MDFIC2: variants seen among roughly 807,000 people sequenced by gnomAD.
The protein encoded by MDFIC2 is myoD family inhibitor domain-containing protein 2.
At chr3:70,306,087 C>T (rs897336453) in intron 2 of MDFIC2, among the ~76,000 whole-genome samples, 2 of 151,990 alleles carry the variant, frequency 1.3e-5, no homozygotes, top group African/African-American at 4.8e-5. Context: ...CAAAATTCAC[C>T]TAAATAATGG....
intron 2 of MDFIC2, among the ~76,000 whole-genome samples, chr3:70,279,431 C>G (rs1702059350): frequency 6.6e-6 from 1 of 152,088 alleles, no homozygotes; most frequent in East Asian, 1.9e-4. Context: ...GACTTTATCT[C>G]CTTCACATCT....
Position 70,197,163 on chromosome 3 carries a change from G to A in MDFIC2, c.333C>T (p.Leu111=), listed in dbSNP as rs1381437262. 8 of 398,330 alleles carry A rather than the reference G, an allele frequency of 2.0e-5. No homozygotes were observed. Among genetic ancestry groups the A allele is most frequent in the East Asian group, 3.6e-5 (1 of 28,040 alleles). The allele number at this position is 398,330 out of a possible 1,614,324, so 24.7% of individuals were successfully genotyped here. A position where few individuals can be genotyped will look rare whatever the true frequency, so the allele number is the denominator to read the frequency against. The change falls in exon 4 of 4, where the codon CTC becomes CTT. Residue 111 remains leucine, a synonymous_variant. Coordinates refer to ENST00000567252, the MANE Select transcript of MDFIC2 (RefSeq NM_001364677.1). ...CCCAAAACTGGCAAAACAGACAGGCGAGGATAAGGGAGGCACACTCCTCTG... is the reference window on the plus strand; with the variant it reads ...CCCAAAACTGGCAAAACAGACAGGCAAGGATAAGGGAGGCACACTCCTCTG... ...DTDEECASLI[L]ACLFCQFWDC...
chr3:70,308,150 C>G (rs1376118836), intron 2 of MDFIC2, among the ~76,000 whole-genome samples: 1 of 152,178 alleles, frequency 6.6e-6, no homozygotes, highest in East Asian at 1.9e-4. Flanking sequence ...CTCCCAGGCT[C>G]AAGCAATCTC....
chr3:70,238,826 C>G (rs1461575283), intron 2 of MDFIC2, among the ~76,000 whole-genome samples: 1 of 151,788 alleles, frequency 6.6e-6, no homozygotes, highest in Non-Finnish European at 1.5e-5. Context: ...TTTCTATGAC[C>G]TGTAATGGAA....
intron 2 of MDFIC2, among the ~76,000 whole-genome samples, chr3:70,234,662 G>A (rs905255734): frequency 2.0e-5 from 3 of 151,572 alleles, no homozygotes; most frequent in African/African-American, 4.8e-5. Context: ...AAAAGTTTCT[G>A]GTGCTTAATA....
chr3:70,298,354 C>T (rs201700243), intron 2 of MDFIC2, among the ~76,000 whole-genome samples: 1 of 152,074 alleles, frequency 6.6e-6, no homozygotes, highest in Non-Finnish European at 1.5e-5. Context: ...CTTCTCTCCT[C>T]CACCAGCCAT....
chr3:70,261,069 C>A (rs1251907070), intron 2 of MDFIC2, among the ~76,000 whole-genome samples: 1 of 152,128 alleles, frequency 6.6e-6, no homozygotes, highest in Non-Finnish European at 1.5e-5. Flanking sequence ...ATAAGCACTT[C>A]AACGTTTATT....
At chr3:70,303,752 G>A (rs1174040795) in intron 2 of MDFIC2, among the ~76,000 whole-genome samples, 1 of 152,080 alleles carries the variant, frequency 6.6e-6, no homozygotes, top group East Asian at 1.9e-4. Flanking sequence ...TGTGATCCTG[G>A]CTCACTGCAA....
At chr3:70,281,538 A>G (rs1255233947) in intron 2 of MDFIC2, among the ~76,000 whole-genome samples, 1 of 152,198 alleles carries the variant, frequency 6.6e-6, no homozygotes, top group Non-Finnish European at 1.5e-5. Flanking sequence ...AAATGAGATC[A>G]TATAAGTGTC....
At chr3:70,240,041 T>A (rs1252302680) in intron 2 of MDFIC2, among the ~76,000 whole-genome samples, 3 of 152,098 alleles carry the variant, frequency 2.0e-5, no homozygotes, top group Non-Finnish European at 4.4e-5. Flanking sequence ...AATGATAGTT[T>A]TGAGTGCTTC....
At chr3:70,207,803 A>G (rs536028944) in intron 2 of MDFIC2, among the ~76,000 whole-genome samples, 1 of 152,058 alleles carries the variant, frequency 6.6e-6, no homozygotes, top group African/African-American at 2.4e-5. Context: ...ATCATTTTAT[A>G]TTAGAGACCT....
intron 2 of MDFIC2, among the ~76,000 whole-genome samples, chr3:70,266,725 T>G (rs1701919917): frequency 6.6e-6 from 1 of 152,206 alleles, no homozygotes; most frequent in African/African-American, 2.4e-5. Flanking sequence ...GGATTAGAGA[T>G]GTGAGCCACT....
At chr3:70,289,207 C>A (rs1156796205) in intron 2 of MDFIC2, among the ~76,000 whole-genome samples, 1 of 150,086 alleles carries the variant, frequency 6.7e-6, no homozygotes, top group Admixed American at 6.6e-5. Flanking sequence ...CCGGTTGTTC[C>A]TTTCCATGTT....
chr3:70,281,118 T>G (rs1702078502), intron 2 of MDFIC2, among the ~76,000 whole-genome samples: 1 of 152,180 alleles, frequency 6.6e-6, no homozygotes. Context: ...TGTGAACTGA[T>G]TTTTCAAGGA....
intron 2 of MDFIC2, among the ~76,000 whole-genome samples, chr3:70,270,831 C>A (rs558329181): frequency 1.3e-5 from 2 of 152,100 alleles, no homozygotes; most frequent in South Asian, 2.1e-4. Flanking sequence ...GGGAGTTGAG[C>A]AATTAGAACA....
At chr3:70,218,513 G>A (rs769473058) in intron 2 of MDFIC2, among the ~76,000 whole-genome samples, 2 of 151,894 alleles carry the variant, frequency 1.3e-5, no homozygotes, top group African/African-American at 2.4e-5. Context: ...GCTTCCTTTC[G>A]GTACCCAGGG....
intron 2 of MDFIC2, among the ~76,000 whole-genome samples, chr3:70,224,079 C>T (rs1020744128): frequency 2.6e-5 from 4 of 152,074 alleles, no homozygotes; most frequent in African/African-American, 9.7e-5. Flanking sequence ...GTAACAAACA[C>T]CAGGTTAGTG....
intron 2 of MDFIC2, chr3:70,291,698 C>T (rs1320096068): frequency 6.6e-6 from 1 of 152,206 alleles, no homozygotes; most frequent in Non-Finnish European, 1.5e-5. Flanking sequence ...TCCTCTTCAA[C>T]ACAAAACTCC....
intron 2 of MDFIC2, among the ~76,000 whole-genome samples, chr3:70,260,905 A>T (rs1701860006): frequency 6.6e-6 from 1 of 152,126 alleles, no homozygotes; most frequent in Non-Finnish European, 1.5e-5. Context: ...GATCAGGACC[A>T]ATATACTTCT....
Sources: allele counts gnomAD v4.1 joint callset (sites outside exome capture counted in the v4.1 genomes callset), GRCh38; gene constraint gnomAD v4.1.1; transcripts MANE v1.5; gene names NCBI Gene and HGNC (gene_info 2026-07-23, HGNC 2026-07-21).